LRRC3B: variants seen among roughly 807,000 people sequenced by gnomAD.
LRRC3B encodes the protein leucine rich repeat containing 3B.
LRRC3B carries 2 observed loss-of-function variants against 12.8 expected under a neutral mutation model. That is an observed-to-expected ratio of 0.16 (90% CI 0.06 to 0.49). The LOEUF (loss-of-function observed/expected upper bound fraction) is 0.49. LRRC3B is among the 20% of genes least tolerant of loss of function. The probability of loss-of-function intolerance (pLI) is 0.96; values close to 1 mark genes in which losing one functional copy is unlikely to be tolerated. For missense variants in LRRC3B, 189 were observed against 319.4 expected, an observed-to-expected ratio of 0.59 and a Z score of 3.11; for synonymous variants, 132 against 122.0, an observed-to-expected ratio of 1.08 and a Z score of -0.54.
chr3:26,696,629 CTTTG>C (rs1291132906), intron 1 of LRRC3B, among the ~76,000 whole-genome samples: 1 of 152,154 alleles, frequency 6.6e-6, no homozygotes, highest in African/African-American at 2.4e-5. Context: ...TTAGACTTGT[CTTTG>C]TTTGTACAAT....
At chr3:26,668,934 A>G (rs1432791858) in intron 1 of LRRC3B, among the ~76,000 whole-genome samples, 1 of 152,228 alleles carries the variant, frequency 6.6e-6, no homozygotes, top group East Asian at 1.9e-4. Context: ...TGGCAGCTGA[A>G]GAACTCTGGG....
exon 1 of LRRC3B, chr3:26,623,036 C>G (rs868809061): frequency 6.6e-6 from 1 of 151,732 alleles, no homozygotes; most frequent in East Asian, 1.9e-4. Flanking sequence ...CCCCAGCCGC[C>G]GCGCACCAAC....
chr3:26,675,788 C>T (rs56379519), intron 1 of LRRC3B, among the ~76,000 whole-genome samples: 2,014 of 152,086 alleles, frequency 0.013, 45 homozygotes, highest in Non-Finnish European at 0.013. Flanking sequence ...TGATATGAAA[C>T]GCCTTAATTG....
intron 1 of LRRC3B, among the ~76,000 whole-genome samples, chr3:26,682,188 G>A (rs1375830882): frequency 6.6e-6 from 1 of 152,162 alleles, no homozygotes; most frequent in Non-Finnish European, 1.5e-5. Flanking sequence ...AGAGGGTACT[G>A]TGGTTAACTC....
chr3:26,688,604 A>G (rs1475565840), intron 1 of LRRC3B, among the ~76,000 whole-genome samples: 1 of 152,166 alleles, frequency 6.6e-6, no homozygotes, highest in African/African-American at 2.4e-5. Flanking sequence ...CAGAGCAGGA[A>G]GAAGGAGAGG....
chr3:26,646,600 A>T (rs1481442103), intron 1 of LRRC3B, among the ~76,000 whole-genome samples: 1 of 19,408 alleles, frequency 5.2e-5, no homozygotes, highest in Admixed American at 6.2e-4. Context: ...ATAGGAGGTA[A>T]AAAAAAAAAA....
intron 1 of LRRC3B, among the ~76,000 whole-genome samples, chr3:26,658,586 T>A (rs1381472640): frequency 6.6e-6 from 1 of 152,232 alleles, no homozygotes; most frequent in Non-Finnish European, 1.5e-5. Context: ...AGACAGGTCC[T>A]GTTCTTATCA....
chr3:26,660,536 C>T (rs1699471886), intron 1 of LRRC3B, among the ~76,000 whole-genome samples: 1 of 152,166 alleles, frequency 6.6e-6, no homozygotes, highest in Non-Finnish European at 1.5e-5. Context: ...CATTTTCCTT[C>T]AACTGTGGCT....
intron 1 of LRRC3B, among the ~76,000 whole-genome samples, chr3:26,638,123 G>C (rs1434475033): frequency 6.6e-6 from 1 of 152,154 alleles, no homozygotes. Context: ...TAAATATCTA[G>C]GGTGGGATAA....
chr3:26,638,468 G>T (rs1259291951), intron 1 of LRRC3B, among the ~76,000 whole-genome samples: 1 of 152,130 alleles, frequency 6.6e-6, no homozygotes, highest in African/African-American at 2.4e-5. Context: ...TCTAGCCATG[G>T]CCTCATCATG....
At chr3:26,627,704 T>G (rs957007413) in intron 1 of LRRC3B, among the ~76,000 whole-genome samples, 3 of 152,110 alleles carry the variant, frequency 2.0e-5, no homozygotes, top group Admixed American at 2.0e-4. Context: ...ACCCCAGTTA[T>G]CTCAAGGAGA....
intron 1 of LRRC3B, among the ~76,000 whole-genome samples, chr3:26,651,778 G>C (rs1161129274): frequency 6.6e-6 from 1 of 152,130 alleles, no homozygotes; most frequent in African/African-American, 2.4e-5. Context: ...GAAGTAGATG[G>C]CAATTGCCTC....
intron 1 of LRRC3B, among the ~76,000 whole-genome samples, chr3:26,659,179 T>C (rs10470656): frequency 0.34 from 51,573 of 152,104 alleles, 10,607 homozygotes; most frequent in African/African-American, 0.57. Flanking sequence ...AACAATCCTA[T>C]GAAGTAGGTA....
intron 1 of LRRC3B, among the ~76,000 whole-genome samples, chr3:26,699,865 T>C (rs564389598): frequency 2.6e-5 from 4 of 152,302 alleles, no homozygotes; most frequent in African/African-American, 7.2e-5. Context: ...ATAATAAATA[T>C]GGATGTAGCA....
At chr3:26,690,913 A>G (rs1274400853) in intron 1 of LRRC3B, among the ~76,000 whole-genome samples, 2 of 151,640 alleles carry the variant, frequency 1.3e-5, no homozygotes, top group African/African-American at 2.4e-5. Flanking sequence ...CATTGATACT[A>G]TTTAGGCAAC....
At chr3:26,710,237 G>A (rs1212820384) in exon 2 of LRRC3B, 1 of 1,613,610 alleles carries the variant, frequency 6.2e-7, no homozygotes, top group Non-Finnish European at 8.5e-7. Context: ...CCTCAATGCT[G>A]CCAACGACGC....
chr3:26,637,494 A>G (rs1698928330), intron 1 of LRRC3B, among the ~76,000 whole-genome samples: 1 of 152,192 alleles, frequency 6.6e-6, no homozygotes, highest in Non-Finnish European at 1.5e-5. Flanking sequence ...ATGGCAATGA[A>G]GAGGTCTTCT....
chr3:26,673,906 A>G (rs2125435063), intron 1 of LRRC3B, among the ~76,000 whole-genome samples: 1 of 152,344 alleles, frequency 6.6e-6, no homozygotes, highest in East Asian at 1.9e-4. Flanking sequence ...TGTGGACCAC[A>G]TTGGAAAGCC....
intron 1 of LRRC3B, among the ~76,000 whole-genome samples, chr3:26,648,524 G>A (rs1328223288): frequency 6.6e-6 from 1 of 151,852 alleles, no homozygotes; most frequent in Non-Finnish European, 1.5e-5. Flanking sequence ...ATTGTACTTG[G>A]GGCTTTCAAA....
Sources: gnomAD v4.1 joint callset for allele counts (sites outside exome capture counted in the v4.1 genomes callset) on GRCh38, gnomAD v4.1.1 for gene constraint, MANE v1.5 for transcripts, NCBI Gene and HGNC (gene_info 2026-07-23, HGNC 2026-07-21) for gene names.